Variants in BCAS3 observed in about 807,000 individuals in gnomAD.
BCAS3 encodes BCAS3 microtubule associated cell migration factor, also known as BCAS4/BCAS3 fusion.
In BCAS3, 53 loss-of-function variants were observed where a neutral mutation model predicts 116.1. That is an observed-to-expected ratio of 0.46 (90% CI 0.37 to 0.57). The LOEUF (loss-of-function observed/expected upper bound fraction) is 0.57. Ranked by LOEUF, BCAS3 falls within the 20% of genes least tolerant of loss-of-function variation. The pLI is 0.00. For synonymous variants in BCAS3, 391 were observed against 408.2 expected (o/e 0.96, Z 0.51); for missense variants, 917 against 1,165.4 (o/e 0.79, Z 3.10).
intron 22 of BCAS3, among the ~76,000 whole-genome samples, chr17:61,123,630 G>T (rs550786434): frequency 6.6e-6 from 1 of 151,662 alleles, no homozygotes; most frequent in Non-Finnish European, 1.5e-5. Flanking sequence ...TTTTTATTGG[G>T]GGGGAGTGGG....
intron 19 of BCAS3, among the ~76,000 whole-genome samples, chr17:61,067,518 A>G (rs1490856307): frequency 2.0e-5 from 3 of 149,418 alleles, no homozygotes; most frequent in Non-Finnish European, 4.5e-5. Flanking sequence ...AAAGATCGAG[A>G]CCATCCTGGC....
At chr17:61,383,617 AAGCTCTAGAAAACAGATAAG>A (rs1384711227) in intron 23 of BCAS3, 2 of 152,324 alleles carry the variant, frequency 1.3e-5, no homozygotes, top group African/African-American at 4.8e-5. Context: ...CCAGCCCCAT[AAGCTCTAGAAAACAGATAAG>A]AGCACAGGCC....
At chr17:61,159,429 T>C (rs1358983636) in intron 22 of BCAS3, 1 of 152,242 alleles carries the variant, frequency 6.6e-6, no homozygotes, top group Non-Finnish European at 1.5e-5. Context: ...TAAATCCTTT[T>C]ATTCATGACT....
chr17:60,763,103 G>A (rs965282135), intron 6 of BCAS3, among the ~76,000 whole-genome samples: 21 of 152,144 alleles, frequency 1.4e-4, no homozygotes, highest in African/African-American at 4.6e-4. Context: ...GGGCTGAGAC[G>A]ATGGGGTTTT....
intron 6 of BCAS3, among the ~76,000 whole-genome samples, chr17:60,767,762 G>A (rs925341382): frequency 6.6e-6 from 1 of 151,974 alleles, no homozygotes; most frequent in Non-Finnish European, 1.5e-5. Flanking sequence ...CTGTGCATCT[G>A]GTTAAATGGT....
At chr17:61,066,265 T>C (rs955691019) in intron 19 of BCAS3, among the ~76,000 whole-genome samples, 2 of 152,178 alleles carry the variant, frequency 1.3e-5, no homozygotes, top group African/African-American at 4.8e-5. Context: ...TCAAGAAATG[T>C]AGGAAAGGGT....
chr17:60,685,652 TAAAGC>T (rs1598030835), intron 3 of BCAS3, among the ~76,000 whole-genome samples: 1 of 152,038 alleles, frequency 6.6e-6, no homozygotes, highest in Non-Finnish European at 1.5e-5. Context: ...AAGCATAAAA[TAAAGC>T]AAAGCAAATA....
At position 61,222,576 on chromosome 17, in the gene BCAS3, T is replaced by C. The variant is rs2082166775; in HGVS notation, c.2425+138012T>C. ...TACATTTTTCTGTGAAATCTCAGGCTCCTGCCTCATGTCTCTGTAGCTTAG... is the reference window on the plus strand; with the variant it reads ...TACATTTTTCTGTGAAATCTCAGGCCCCTGCCTCATGTCTCTGTAGCTTAG... On this transcript the variant is annotated intron_variant, in intron 22 of 23. Transcript: ENST00000407086. The surrounding 1 kb of genome is among the most constrained non-coding windows in gnomAD (Gnocchi z 6.1). 6.6e-6 allele frequency among the ~76,000 whole-genome samples: 1 copy of C among 152,242 alleles called. No individual in the cohort carries two copies. Among genetic ancestry groups the C allele is most frequent in the African/African-American group, 2.4e-5 (1 of 41,478 alleles).
At chr17:61,252,131 A>T (rs1299125368) in intron 22 of BCAS3, among the ~76,000 whole-genome samples, 1 of 152,254 alleles carries the variant, frequency 6.6e-6, no homozygotes, top group African/African-American at 2.4e-5. Context: ...TTTTCTTTTC[A>T]TCTGCAACAT....
In BCAS3 at chr17:61,388,457, A is replaced by C. The variant is rs2059963013; in HGVS notation, c.2594-3520A>C. 1.6e-6 allele frequency: 1 copy of C among 618,096 alleles called. No individual in the cohort carries two copies. 38.3% of individuals were successfully genotyped at this position (618,096 alleles called of 1,614,324 possible). On this transcript the variant is annotated intron_variant, in intron 23 of 23. Transcript: ENST00000407086. The surrounding 1 kb of genome is among the most constrained non-coding windows in gnomAD (Gnocchi z 6.5). ...AGACAGATTGGTCCCCAGCCCCTAC[A>C]CATGCATGTCACTGTCCTCCTTGAC...
intron 22 of BCAS3, among the ~76,000 whole-genome samples, chr17:61,127,026 G>A (rs561942519): frequency 9.9e-5 from 15 of 151,908 alleles, no homozygotes; most frequent in African/African-American, 3.4e-4. Context: ...GATACATCTC[G>A]AAACATAAAC....
intron 22 of BCAS3, among the ~76,000 whole-genome samples, chr17:61,230,539 A>G (rs1181008550): frequency 6.6e-6 from 1 of 152,150 alleles, no homozygotes; most frequent in Admixed American, 6.5e-5. Context: ...CCCACTTAAA[A>G]GTGAGAACAT....
Position 61,285,480 on chromosome 17 carries a change from T to C in BCAS3, c.2426-82847T>C, listed in dbSNP as rs904551163. Among the ~76,000 whole-genome samples, 2 of 152,166 alleles carry C rather than the reference T, an allele frequency of 1.3e-5. No homozygotes were observed. Among genetic ancestry groups the C allele is most frequent in the African/African-American group, 4.8e-5 (2 of 41,448 alleles). On this transcript the variant is annotated intron_variant, in intron 22 of 23. Coordinates refer to ENST00000407086, the MANE Select transcript of BCAS3 (RefSeq NM_017679.5). The surrounding 1 kb of genome is among the most constrained non-coding windows in gnomAD (Gnocchi z 5.4). ...CTTGGTTTGGTTTATCCATAGGATC[T>C]AGACTAGACTAGACTAGAGGATTGA...
chr17:61,067,946 G>A lies in BCAS3; in HGVS notation c.2030-6974G>A, dbSNP rs114770313. ...GCTCGTTGATGTATATTTAGCAAAA[G>A]CCTGTGTGTAGAGGCAGTACTTTTG... On this transcript the variant is annotated intron_variant, in intron 19 of 23. Transcript: ENST00000407086. 8.8e-3 allele frequency among the ~76,000 whole-genome samples: 1,346 copies of A among 152,120 alleles called. 23 individuals are homozygous for A. Among genetic ancestry groups the A allele is most frequent in the African/African-American group, 0.03 (1,259 of 41,512 alleles).
intron 7 of BCAS3, among the ~76,000 whole-genome samples, chr17:60,823,557 CTG>C (rs2144690857): frequency 6.6e-6 from 1 of 152,160 alleles, no homozygotes; most frequent in South Asian, 2.1e-4. Context: ...GAGTGAGACT[CTG>C]TCTCTTACAA....
Position 61,040,788 on chromosome 17 carries a change from T to C in BCAS3, c.1929-4T>C, listed in dbSNP as rs375865020. On this transcript the variant is annotated splice_polypyrimidine_tract_variant and splice_region_variant and intron_variant, in intron 18 of 23. Transcript: ENST00000407086. ...ATATTAATATTCTTCTCCTGTTTCC[T>C]TAGAACCCCTCAATGGAATGAATTG... is the stretch of plus-strand genomic sequence containing the variant. 5.7e-5 allele frequency: 92 copies of C among 1,611,350 alleles called. No individual in the cohort carries two copies. Among genetic ancestry groups the C allele is most frequent in the Non-Finnish European group, 7.4e-5 (87 of 1,177,584 alleles).
At chr17:60,739,396 G>T (rs1485113486) in intron 5 of BCAS3, among the ~76,000 whole-genome samples, 1 of 152,060 alleles carries the variant, frequency 6.6e-6, no homozygotes, top group Non-Finnish European at 1.5e-5. Context: ...GAGGCAGGTG[G>T]ATCACCTGAG....
chr17:61,256,783 T>C lies in BCAS3; in HGVS notation c.2426-111544T>C, dbSNP rs1198134255. Among the ~76,000 whole-genome samples, 2 of 152,150 alleles carry C rather than the reference T, an allele frequency of 1.3e-5. No individual in the cohort carries two copies. The highest frequency in any genetic ancestry group is 2.9e-5 in the Non-Finnish European group (2 of 68,022). Reference sequence around the variant, plus strand: ...AAGAAACCTGAGGCTTTCAGGGTTGTTGGTATGCCATGGCACAAGGACCCA... The same window carrying C: ...AAGAAACCTGAGGCTTTCAGGGTTGCTGGTATGCCATGGCACAAGGACCCA... On this transcript the variant is annotated intron_variant, in intron 22 of 23. Coordinates refer to ENST00000407086, the MANE Select transcript of BCAS3 (RefSeq NM_017679.5). The surrounding 1 kb of genome is among the most constrained non-coding windows in gnomAD (Gnocchi z 5.6).
In BCAS3 at chr17:61,333,902, G is replaced by A. The variant is rs538873297; in HGVS notation, c.2426-34425G>A. Reference sequence around the variant, plus strand: ...CCCAAAGTGCTGGGATTACAGGCATGAGCCATGGTACCCTGCCAAGTTCTT... The same window carrying A: ...CCCAAAGTGCTGGGATTACAGGCATAAGCCATGGTACCCTGCCAAGTTCTT... On this transcript the variant is annotated intron_variant, in intron 22 of 23. Transcript: ENST00000407086. The surrounding 1 kb of genome is among the most constrained non-coding windows in gnomAD (Gnocchi z 4.8). 2.0e-5 allele frequency among the ~76,000 whole-genome samples: 3 copies of A among 152,204 alleles called. No individual in the cohort carries two copies. Among genetic ancestry groups the A allele is most frequent in the Admixed American group, 6.5e-5 (1 of 15,276 alleles).
Sources: gnomAD v4.1 joint callset for allele counts (sites outside exome capture counted in the v4.1 genomes callset) on GRCh38, gnomAD v4.1.1 for gene constraint, Gnocchi (gnomAD v3.1) non-coding constraint, MANE v1.5 for transcripts, NCBI Gene and HGNC (gene_info 2026-07-23, HGNC 2026-07-21) for gene names.